The following SYNCRIP variants were observed in gnomAD, a reference collection of about 807,000 sequenced individuals.
SYNCRIP encodes the protein heterogeneous nuclear ribonucleoprotein Q.
A neutral mutation model predicts 68.9 loss-of-function variants in SYNCRIP; 9 were observed. The ratio of observed to expected loss-of-function variants is 0.13; its 90% CI spans 0.08 to 0.23. The LOEUF (loss-of-function observed/expected upper bound fraction) is 0.23, where lower values mean the gene tolerates loss of function less well. SYNCRIP is among the 10% of genes least tolerant of loss of function. SYNCRIP has a pLI of 1.00. For missense variants in SYNCRIP, 414 were observed against 770.6 expected, an observed-to-expected ratio of 0.54 and a Z score of 5.48; for synonymous variants, 258 against 254.0, an observed-to-expected ratio of 1.02 and a Z score of -0.15.
chr6:85,618,248 T>C (rs933868836), intron 10 of SYNCRIP, among the ~76,000 whole-genome samples: 2 of 151,762 alleles, frequency 1.3e-5, no homozygotes, highest in Admixed American at 1.3e-4. Flanking sequence ...ACAAAGAAAA[T>C]ATGTGAGATA....
In SYNCRIP at chr6:85,615,028, C is replaced by T. The variant is rs1019738036; in HGVS notation, c.1600G>A (p.Gly534Ser). Residue 534 changes from glycine (G) to serine (S), a missense_variant, in exon 11 of 11, where the codon GGC becomes AGC. By Grantham distance (56) the Gly-to-Ser change is moderately conservative (BLOSUM62 0). This residue lies in a region of SYNCRIP where 130 missense variants were observed against 149.0 expected (regional missense o/e 0.87). Coordinates refer to ENST00000369622, the MANE Select transcript of SYNCRIP (RefSeq NM_006372.5). ...SQRGGPGSAR[G>S]VRGARGGAQQ... ...GCACCTCCTCTCGCACCTCGAACGCCTCTTGCTGATCCAGGACCTCCTCTC... is the reference window on the plus strand; with the variant it reads ...GCACCTCCTCTCGCACCTCGAACGCTTCTTGCTGATCCAGGACCTCCTCTC... 1 of 1,613,966 alleles carries T rather than the reference C, an allele frequency of 6.2e-7. No homozygotes were observed. Among genetic ancestry groups the T allele is most frequent in the Non-Finnish European group, 8.5e-7 (1 of 1,179,998 alleles).
chr6:85,643,325 T>G (rs903873333), upstream of SYNCRIP: 5 of 152,140 alleles, frequency 3.3e-5, no homozygotes, highest in African/African-American at 1.2e-4. Flanking sequence ...TCTCCCGCGC[T>G]GACGTGACAA....
chr6:85,633,277 T>TA (rs1808039751), intron 6 of SYNCRIP, among the ~76,000 whole-genome samples: 1 of 143,276 alleles, frequency 7.0e-6, no homozygotes, highest in African/African-American at 2.6e-5. Flanking sequence ...AATAAATAAA[T>TA]AAATAAATAA....
rs148994607 is a variant in SYNCRIP, at chr6:85,619,370, C to T, written c.1056G>A (p.Glu352=). 1.5e-5 allele frequency: 25 copies of T among 1,613,880 alleles called. No homozygotes were observed. The highest frequency in any genetic ancestry group is 2.1e-5 in the Non-Finnish European group (25 of 1,180,012). ...VRNLANTVTE[E]ILEKAFSQFG... is the part of the protein sequence containing the mutation. Reference sequence around the variant, plus strand: ...ACTGACTAAATGCCTTTTCTAAAATCTCTTCTGTTACAGTATTGGCAAGGT... The same window carrying T: ...ACTGACTAAATGCCTTTTCTAAAATTTCTTCTGTTACAGTATTGGCAAGGT... Residue 352 remains glutamate (E), a synonymous_variant, in exon 9 of 11, where the codon GAG becomes GAA. Coordinates refer to ENST00000369622, the MANE Select transcript of SYNCRIP (RefSeq NM_006372.5).
downstream of SYNCRIP, chr6:85,612,701 G>C (rs917831164): frequency 3.9e-6 from 2 of 516,860 alleles, no homozygotes; most frequent in South Asian, 4.3e-5. Context: ...AATTGTTAAA[G>C]AAATTCATAT....
chr6:85,623,677 G>C (rs1189748690), intron 7 of SYNCRIP, among the ~76,000 whole-genome samples: 1 of 149,846 alleles, frequency 6.7e-6, no homozygotes, highest in Non-Finnish European at 1.5e-5. Context: ...CTAACACCTA[G>C]AGAAAGAACA....
Position 85,619,373 on chromosome 6 carries a change from T to G in SYNCRIP, c.1053A>C (p.Glu351Asp). ...FVRNLANTVTEEILEKAFSQF... is the reference protein window; with the variant it reads ...FVRNLANTVTDEILEKAFSQF... ...GACTAAATGCCTTTTCTAAAATCTC[T>G]TCTGTTACAGTATTGGCAAGGTTGC... is the stretch of plus-strand genomic sequence containing the variant. Residue 351 changes from glutamate (E) to aspartate (D), a missense_variant, in exon 9 of 11, where the codon GAA (glutamate) becomes GAC (aspartate). By Grantham distance (45) the Glu-to-Asp change is conservative. Coordinates refer to ENST00000369622, the MANE Select transcript of SYNCRIP (RefSeq NM_006372.5). 1 of 1,614,052 alleles carries G rather than the reference T, an allele frequency of 6.2e-7. No homozygotes were observed. The highest frequency in any genetic ancestry group is 8.5e-7 in the Non-Finnish European group (1 of 1,179,992).
At chr6:85,629,516 C>CAAAAAAA (rs781083306) in intron 6 of SYNCRIP, among the ~76,000 whole-genome samples, 10 of 64,922 alleles carry the variant, frequency 1.5e-4, no homozygotes, top group Admixed American at 2.0e-4. Flanking sequence ...ACTAAAAATA[C>CAAAAAAA]AAAAAAAAAA....
intron 10 of SYNCRIP, among the ~76,000 whole-genome samples, chr6:85,615,704 G>A (rs1024428113): frequency 6.6e-6 from 1 of 152,228 alleles, no homozygotes; most frequent in Admixed American, 6.5e-5. Flanking sequence ...TATGCGGGAG[G>A]CTGAGTGAAG....
intron 6 of SYNCRIP, among the ~76,000 whole-genome samples, chr6:85,634,318 TATAA>T (rs550795109): frequency 7.2e-5 from 11 of 151,800 alleles, no homozygotes; most frequent in East Asian, 5.8e-4. Flanking sequence ...GGAAAACATC[TATAA>T]ATAAGTTATA....
downstream of SYNCRIP, chr6:85,610,601 C>T (rs561375877): frequency 6.6e-6 from 1 of 152,016 alleles, no homozygotes; most frequent in Non-Finnish European, 1.5e-5. Flanking sequence ...ACAAACCTGT[C>T]CTAAAATCCC....
At chr6:85,643,576 T>C (rs1445247170), upstream of SYNCRIP, among the ~76,000 whole-genome samples, 2 of 150,536 alleles carry the variant, frequency 1.3e-5, no homozygotes, top group Non-Finnish European at 3.0e-5. Flanking sequence ...TCGTTTTCCT[T>C]TGTCAGGAGA....
At chr6:85,632,166 T>C (rs961605528) in intron 6 of SYNCRIP, among the ~76,000 whole-genome samples, 4 of 152,230 alleles carry the variant, frequency 2.6e-5, no homozygotes, top group African/African-American at 9.6e-5. Flanking sequence ...TACAGTACTA[T>C]TTAACCTAGA....
exon 12 of SYNCRIP, chr6:85,608,755 G>A (rs1028346287): frequency 6.6e-6 from 1 of 151,944 alleles, no homozygotes; most frequent in African/African-American, 2.4e-5. Context: ...GACCCAGAGC[G>A]TTAGTAATAA....
downstream of SYNCRIP, among the ~76,000 whole-genome samples, chr6:85,613,573 G>C (rs898193000): frequency 1.3e-5 from 2 of 152,154 alleles, no homozygotes; most frequent in Non-Finnish European, 2.9e-5. Context: ...ACTAAAATGT[G>C]AAACAAAAAT....
rs868088628 is a variant in SYNCRIP at position 85,614,282 on chromosome 6, T to C, written c.*474A>G. The C allele has an allele frequency of 2.0e-6, 2 of 986,082 alleles. No individual in the cohort carries two copies. The highest frequency in any genetic ancestry group is 1.7e-5 in the African/African-American group (1 of 57,380). The allele number at this position is 986,082 out of a possible 1,614,324, so 61.1% of individuals were successfully genotyped here. ...AAGAATACAAGTAGCCAAAATGGTTTTGAAAACCCAAATTAGGTCAAAGTT... is the reference window on the plus strand; with the variant it reads ...AAGAATACAAGTAGCCAAAATGGTTCTGAAAACCCAAATTAGGTCAAAGTT... On this transcript the variant is annotated 3_prime_UTR_variant, in exon 11 of 11. Transcript: ENST00000369622.
chr6:85,619,481 C>G, intron 8 of SYNCRIP, 64 bp from the exon 9 acceptor site: 2 of 1,421,146 alleles, frequency 1.4e-6, no homozygotes, highest in Non-Finnish European at 1.9e-6. Context: ...GATACCACCA[C>G]CCCACCCTAC....
intron 10 of SYNCRIP, 96 bp from the exon 11 acceptor site, chr6:85,615,443 C>A: frequency 1.3e-6 from 1 of 767,248 alleles, no homozygotes; most frequent in Non-Finnish European, 2.0e-6. Context: ...CCAGAGTTTA[C>A]TTCGCATAAT....
intron 6 of SYNCRIP, among the ~76,000 whole-genome samples, chr6:85,628,653 C>T (rs554418843): frequency 1.3e-5 from 2 of 152,326 alleles, no homozygotes; most frequent in East Asian, 1.9e-4. Context: ...CACTTCTAGA[C>T]ACCATACCAC....
Sources: gnomAD v4.1 joint callset for allele counts (sites outside exome capture counted in the v4.1 genomes callset) on GRCh38, gnomAD v4.1.1 for gene constraint, gnomAD v4.1.1 regional missense constraint, MANE v1.5 for transcripts, NCBI Gene and HGNC (gene_info 2026-07-23, HGNC 2026-07-21) for gene names.